PLRG1: variants seen among roughly 807,000 people sequenced by gnomAD.
PLRG1 encodes pleiotropic regulator 1 (PRL1 homolog, Arabidopsis).
In PLRG1, 28 loss-of-function variants were observed where a neutral mutation model predicts 74.9. The observed-to-expected ratio is 0.37, with a 90% CI of 0.28 to 0.51. PLRG1 has a LOEUF of 0.51. Ranked by LOEUF, PLRG1 falls within the 20% of genes least tolerant of loss-of-function variation. The pLI is 0.91. For missense variants in PLRG1, 445 were observed against 631.9 expected, an observed-to-expected ratio of 0.70 and a Z score of 3.17; for synonymous variants, 197 against 212.4, an observed-to-expected ratio of 0.93 and a Z score of 0.63.
rs542052677 is a variant in PLRG1, at chr4:154,547,608, G to A, written c.259+103C>T. On this transcript the variant is annotated intron_variant, in intron 3 of 14. Transcript: ENST00000499023. ...CAGGTACGGCCATTAAATACTGTAC[G>A]ACCACAATAAGTCCTGCCAGGAGGG... 9.4e-4 allele frequency: 953 copies of A among 1,010,184 alleles called. 1 individual carries two copies. Among genetic ancestry groups the A allele is most frequent in the Non-Finnish European group, 1.1e-3 (738 of 652,828 alleles). The allele number at this position is 1,010,184 out of a possible 1,614,324, so 62.6% of individuals were successfully genotyped here.
chr4:154,540,266 G>A (rs1560806587), intron 10 of PLRG1: 1 of 581,542 alleles, frequency 1.7e-6, no homozygotes, highest in Non-Finnish European at 3.0e-6. Context: ...AAAAGATCAG[G>A]GTACTGAAAA....
chr4:154,545,815 A>G (rs2111108491), intron 6 of PLRG1, 21 bp downstream of exon 6: 2 of 1,467,944 alleles, frequency 1.4e-6, no homozygotes, highest in Non-Finnish European at 1.9e-6. Context: ...GAAACCTGCT[A>G]TTTGATGCAG....
intron 1 of PLRG1, chr4:154,549,576 C>A: frequency 4.8e-6 from 2 of 420,452 alleles, no homozygotes; most frequent in Non-Finnish European, 9.5e-6. Context: ...TAGGTAAGGT[C>A]TTTTAGACTA....
chr4:154,545,715 G>A, intron 6 of PLRG1, 121 bp downstream of exon 6: 1 of 572,762 alleles, frequency 1.7e-6, no homozygotes, highest in Non-Finnish European at 3.1e-6. Context: ...TGAGTTTTAG[G>A]GCTATGAAAT....
intron 1 of PLRG1, 123 bp from the exon 2 acceptor site, chr4:154,549,058 C>T: frequency 1.5e-6 from 1 of 666,634 alleles, no homozygotes; most frequent in Non-Finnish European, 2.7e-6. Flanking sequence ...CTCACCATAG[C>T]TACTTGTTGC....
intron 11 of PLRG1, 28 bp downstream of exon 11, chr4:154,539,923 C>A: frequency 9.7e-7 from 1 of 1,035,262 alleles, no homozygotes; most frequent in Non-Finnish European, 1.5e-6. Flanking sequence ...CATGAATATT[C>A]TGTAAACTTG....
rs982182554 is a variant in PLRG1, at chr4:154,536,182, C to G, written c.*503G>C. The G allele has an allele frequency of 6.5e-6, 1 of 153,756 alleles. No individual in the cohort carries two copies. The highest frequency in any genetic ancestry group is 1.4e-5 in the Non-Finnish European group (1 of 69,390). The allele number at this position is 153,756 out of a possible 1,614,324, so 9.5% of individuals were successfully genotyped here. On this transcript the variant is annotated 3_prime_UTR_variant, in exon 15 of 15. Transcript: ENST00000499023. ...TAGAGGATAGACACATCTTACTTGT[C>G]TATTTCCTGAACAGTATCTAGTGCA... is the stretch of plus-strand genomic sequence containing the variant.
chr4:154,542,140 C>T (rs767643016), intron 8 of PLRG1, 47 bp downstream of exon 8: 6 of 1,166,042 alleles, frequency 5.1e-6, no homozygotes, highest in Non-Finnish European at 7.8e-6. Flanking sequence ...ATTAAACTTA[C>T]ATGACAAACA....
chr4:154,535,153 T>C lies in PLRG1; in HGVS notation c.*1532A>G, dbSNP rs978606684. 2 of 152,098 alleles carry C rather than the reference T, an allele frequency of 1.3e-5. No homozygotes were observed. The highest frequency in any genetic ancestry group is 6.6e-5 in the Admixed American group (1 of 15,244). 9.4% of individuals were successfully genotyped at this position (152,098 alleles called of 1,614,324 possible). A position where few individuals can be genotyped will look rare whatever the true frequency, so the allele number is the denominator to read the frequency against. ...TGTTAGTAATGTGGTGTTACTTATA[T>C]TTTAGAGCATCAAGTTGTCCACAAA... On this transcript the variant is annotated 3_prime_UTR_variant, in exon 15 of 15. Coordinates refer to ENST00000499023, the MANE Select transcript of PLRG1 (RefSeq NM_002669.4).
rs1341048351 is a variant in PLRG1, at chr4:154,547,849, T to C, written c.121A>G (p.Lys41Glu). 6.2e-7 allele frequency: 1 copy of C among 1,603,376 alleles called. No individual in the cohort carries two copies. Among genetic ancestry groups the C allele is most frequent in the Admixed American group, 1.7e-5 (1 of 59,090 alleles). ...CGAAGCTTGATTGCCATTTTTCGTTTGTGACTATTTAGAAATTATAAACAT... is the reference window on the plus strand; with the variant it reads ...CGAAGCTTGATTGCCATTTTTCGTTCGTGACTATTTAGAAATTATAAACAT... Reference protein sequence around the residue: ...KPVPLDEESHKRKMAIKLRNE... With the variant: ...KPVPLDEESHERKMAIKLRNE... Residue 41 changes from lysine (K) to glutamate (E), a missense_variant, in exon 3 of 15, where the codon AAA (lysine) becomes GAA (glutamate). By Grantham distance (56) the Lys-to-Glu change is moderately conservative. This residue lies in a region of PLRG1 where 206 missense variants were observed against 210.8 expected (regional missense o/e 0.98). Coordinates refer to ENST00000499023, the MANE Select transcript of PLRG1 (RefSeq NM_002669.4).
rs1729642767 is a variant in PLRG1 at position 154,545,883 on chromosome 4, G to A, written c.445C>T (p.Arg149Ter). 1 of 1,612,548 alleles carries A rather than the reference G, an allele frequency of 6.2e-7. No homozygotes were observed. Among genetic ancestry groups the A allele is most frequent in the Non-Finnish European group, 8.5e-7 (1 of 1,178,856 alleles). Residue 149 changes from arginine to a stop codon, truncating the protein, a stop_gained, in exon 6 of 15, where the codon CGA (arginine) becomes TGA (stop). Coordinates refer to ENST00000499023, the MANE Select transcript of PLRG1 (RefSeq NM_002669.4). LOFTEE classifies it high-confidence loss of function. ...GGACGGTCAGAAGCCCCAGGATGTC[G>A]GTATTCACTTCCACTAGGGGCAGTA... ...NRTAPSGSEYRHPGASDRPQP... is the reference protein window; with the variant it reads ...NRTAPSGSEY
chr4:154,540,293 A>AGGC, intron 10 of PLRG1: 1 of 582,564 alleles, frequency 1.7e-6, no homozygotes. Flanking sequence ...AATGAGTATG[A>AGGC]TGGGACTACT....
chr4:154,543,685 T>C (rs373231254), intron 7 of PLRG1, among the ~76,000 whole-genome samples: 1 of 152,192 alleles, frequency 6.6e-6, no homozygotes, highest in African/African-American at 2.4e-5. Flanking sequence ...ATTGTGGTAG[T>C]GGTTACCCAA....
chr4:154,539,267 A>T, intron 11 of PLRG1, 54 bp from the exon 12 acceptor site: 1 of 1,012,732 alleles, frequency 9.9e-7, no homozygotes, highest in Non-Finnish European at 1.6e-6. Context: ...AAATAATGCA[A>T]AAGTTAAATA....
rs1355349384 is a variant in PLRG1, at chr4:154,546,995, A to C, written c.313+16T>G. The C allele has an allele frequency of 1.9e-6, 3 of 1,553,788 alleles. No individual in the cohort carries two copies. In the South Asian group the frequency reaches 3.3e-5, roughly 17 times the overall value. On this transcript the variant is annotated intron_variant, in intron 4 of 14. Coordinates refer to ENST00000499023, the MANE Select transcript of PLRG1 (RefSeq NM_002669.4). Reference sequence around the variant, plus strand: ...GACATTTTTAAGACATTTTCAATATATAACAGCTCACTAACCAGGTCCTGG... The same window carrying C: ...GACATTTTTAAGACATTTTCAATATCTAACAGCTCACTAACCAGGTCCTGG...
At chr4:154,547,366 T>G (rs145554465) in intron 3 of PLRG1, 1 of 514,018 alleles carries the variant, frequency 1.9e-6, no homozygotes, top group East Asian at 3.4e-5. Context: ...CTTTACTTAT[T>G]AAGATTTCAG....
chr4:154,550,278 G>T, intron 1 of PLRG1, 22 bp downstream of exon 1: 1 of 1,610,020 alleles, frequency 6.2e-7, no homozygotes, highest in Non-Finnish European at 8.5e-7. Context: ...AACGACTCTT[G>T]AGAGCCCCAG....
chr4:154,537,308 AC>A lies in PLRG1; in HGVS notation c.1462del (p.Val488TyrfsTer51). On this transcript the variant is annotated frameshift_variant, in exon 14 of 15. Transcript: ENST00000499023. LOFTEE classifies it high-confidence loss of function. Reference protein sequence around the residue: ...LTAEADKTIKVYREDDTATEE... With the variant: ...LTAEADKTIKXYREDDTATEE... ...TACGGCTGTGTCATCCTCTCTGTAT[AC>A]TTTAATGGTTTTATCAGCTTCAGCT... The A allele has an allele frequency of 6.2e-7, 1 of 1,612,362 alleles. No individual in the cohort carries two copies. Among genetic ancestry groups the A allele is most frequent in the Non-Finnish European group, 8.5e-7 (1 of 1,178,788 alleles).
chr4:154,547,213 A>G (rs2111110099), intron 3 of PLRG1, 149 bp from the exon 4 acceptor site: 2 of 698,270 alleles, frequency 2.9e-6, no homozygotes, highest in Admixed American at 2.2e-5. Flanking sequence ...AGGGAAGTTG[A>G]TCACTTTTGC....
Sources: allele counts gnomAD v4.1 joint callset (sites outside exome capture counted in the v4.1 genomes callset), GRCh38; gene constraint gnomAD v4.1.1; regional missense constraint gnomAD v4.1.1; transcripts MANE v1.5; gene names NCBI Gene and HGNC (gene_info 2026-07-23, HGNC 2026-07-21).